Variants in NHSL1 observed in about 807,000 individuals in gnomAD.
NHSL1 encodes the protein NHS like 1.
In NHSL1, 48 loss-of-function variants were observed where a neutral mutation model predicts 95.0. The ratio of observed to expected loss-of-function variants is 0.51; its 90% confidence interval spans 0.40 to 0.64. The LOEUF (loss-of-function observed/expected upper bound fraction) is 0.64, where lower values mean the gene tolerates loss of function less well. Ranked by LOEUF, NHSL1 falls within the 30% of genes least tolerant of loss-of-function variation. NHSL1 has a pLI of 0.00. For missense variants in NHSL1, 1,971 were observed against 2,077.7 expected, an observed-to-expected ratio of 0.95 and a Z score of 1.00; for synonymous variants, 783 against 833.9, an observed-to-expected ratio of 0.94 and a Z score of 1.05.
chr6:138,562,854 C>T (rs115776485), intron 1 of NHSL1, among the ~76,000 whole-genome samples: 27 of 152,236 alleles, frequency 1.8e-4, no homozygotes, highest in African/African-American at 6.5e-4. Flanking sequence ...CCTTCCAATA[C>T]GGCTTCGACC....
intron 1 of NHSL1, among the ~76,000 whole-genome samples, chr6:138,508,383 A>T (rs1781065993): frequency 6.6e-6 from 1 of 152,214 alleles, no homozygotes; most frequent in South Asian, 2.1e-4. Context: ...TGATGTTGGA[A>T]TTATTGGTGA....
upstream of NHSL1, among the ~76,000 whole-genome samples, chr6:138,692,789 G>C (rs998105200): frequency 6.6e-6 from 1 of 150,748 alleles, no homozygotes; most frequent in Non-Finnish European, 1.5e-5. This position sits in a 1 kb window ranked among gnomAD's most constrained non-coding sequence, Gnocchi z 4.0. Context: ...GGCGGCGCGG[G>C]ATCCCTCAGT....
At chr6:138,503,442 A>T (rs993296580), upstream of NHSL1, among the ~76,000 whole-genome samples, 8 of 152,304 alleles carry the variant, frequency 5.3e-5, no homozygotes, top group East Asian at 7.7e-4. Flanking sequence ...GATTTTTTTT[A>T]AAGTAAAAGA....
intron 5 of NHSL1, among the ~76,000 whole-genome samples, chr6:138,441,150 G>C (rs900468244): frequency 6.6e-6 from 1 of 152,188 alleles, no homozygotes; most frequent in Non-Finnish European, 1.5e-5. Flanking sequence ...TAGACTCAGA[G>C]AGACGAAGTT....
chr6:138,547,533 G>A (rs185440773), upstream of NHSL1, among the ~76,000 whole-genome samples: 378 of 151,938 alleles, frequency 2.5e-3, no homozygotes, highest in Non-Finnish European at 2.5e-3. Context: ...GGCGCCCGCC[G>A]CCAGGCCCGG....
At chr6:138,642,378 A>T (rs1322041037) in intron 1 of NHSL1, among the ~76,000 whole-genome samples, 1 of 152,216 alleles carries the variant, frequency 6.6e-6, no homozygotes, top group African/African-American at 2.4e-5. Context: ...GAGAACATAG[A>T]ACTTGAATAC....
intron 1 of NHSL1, among the ~76,000 whole-genome samples, chr6:138,605,250 G>C (rs552461858): frequency 6.6e-6 from 1 of 152,016 alleles, no homozygotes; most frequent in East Asian, 1.9e-4. Flanking sequence ...TTTTGAGACA[G>C]GGTTTTGCTC....
At chr6:138,550,655 C>T (rs9399247), upstream of NHSL1, among the ~76,000 whole-genome samples, 42,185 of 152,112 alleles carry the variant, frequency 0.28, 6,313 homozygotes, top group Middle Eastern at 0.49. Context: ...TTCAAAACCA[C>T]TCCAGTGTGA....
intron 1 of NHSL1, among the ~76,000 whole-genome samples, chr6:138,622,442 T>C (rs1784678229): frequency 6.6e-6 from 1 of 152,024 alleles, no homozygotes. Context: ...GCCAAGATCG[T>C]ACCACTGCAC....
At chr6:138,468,508 T>C (rs957733405) in intron 3 of NHSL1, among the ~76,000 whole-genome samples, 2 of 152,180 alleles carry the variant, frequency 1.3e-5, no homozygotes, top group Non-Finnish European at 2.9e-5. Flanking sequence ...CATTAGATTC[T>C]CATAGGAGCG....
In NHSL1 at chr6:138,678,856, A is replaced by G. The variant is rs140311615; in HGVS notation, c.96+13620T>C. Among the ~76,000 whole-genome samples the G allele has an allele frequency of 4.1e-3, 621 of 152,338 alleles. 2 individuals carry two copies. The highest frequency in any genetic ancestry group is 0.014 in the African/African-American group (591 of 41,570). On this transcript the variant is annotated intron_variant, in intron 1 of 3. Transcript: ENST00000491526. ...CTGTAAGTGTTACTATAAATTATTA[A>G]TGATATTAATCAAAACTTGCAAATT...
chr6:138,513,302 G>A (rs1340989168), intron 1 of NHSL1, among the ~76,000 whole-genome samples: 2 of 151,786 alleles, frequency 1.3e-5, no homozygotes, highest in African/African-American at 2.4e-5. Flanking sequence ...CTTAAGAAAC[G>A]CCTTGCAAAT....
At chr6:138,464,182 C>G in intron 3 of NHSL1, 1 of 694,416 alleles carries the variant, frequency 1.4e-6, no homozygotes, top group Non-Finnish European at 2.4e-6. Context: ...TATACCTGGG[C>G]ACCAGGGGCA....
At chr6:138,464,715 C>CTTTTTTTTTTTTTTT (rs1157342436) in intron 3 of NHSL1, among the ~76,000 whole-genome samples, 2 of 119,024 alleles carry the variant, frequency 1.7e-5, no homozygotes, top group African/African-American at 6.9e-5. Context: ...TTTTTCTTTT[C>CTTTTTTTTTTTTTTT]TTTTTTTTTT....
chr6:138,611,049 G>A (rs1467670041), intron 1 of NHSL1, among the ~76,000 whole-genome samples: 3 of 151,826 alleles, frequency 2.0e-5, no homozygotes, highest in Admixed American at 1.3e-4. Flanking sequence ...CTGCATTCCA[G>A]TGAGTGACAG....
chr6:138,578,796 ACTC>A (rs2114479907), intron 1 of NHSL1, among the ~76,000 whole-genome samples: 1 of 152,056 alleles, frequency 6.6e-6, no homozygotes, highest in African/African-American at 2.4e-5. Flanking sequence ...GCAATTCTGA[ACTC>A]CTAGAAGCGC....
At chr6:138,473,220 A>G in intron 3 of NHSL1, 86 bp downstream of exon 3, 2 of 1,178,918 alleles carry the variant, frequency 1.7e-6, no homozygotes, top group South Asian at 2.9e-5. Flanking sequence ...TACAGGCTCA[A>G]TTTTGATTTT....
At chr6:138,439,687 C>T (rs951589356) in intron 5 of NHSL1, among the ~76,000 whole-genome samples, 2 of 152,146 alleles carry the variant, frequency 1.3e-5, no homozygotes, top group African/African-American at 2.4e-5. Flanking sequence ...CTCTTAGATA[C>T]GGTTGTCTCA....
chr6:138,473,232 C>A lies in NHSL1; in HGVS notation c.339+74G>T, dbSNP rs1000892328. On this transcript the variant is annotated intron_variant, in intron 3 of 7. Transcript: ENST00000343505. Reference sequence around the variant, plus strand: ...AAATACAGGCTCAATTTTGATTTTACCAGTTTGTCCACATATATCCTTTCT... The same window carrying A: ...AAATACAGGCTCAATTTTGATTTTAACAGTTTGTCCACATATATCCTTTCT... 10 of 1,231,112 alleles carry A rather than the reference C, an allele frequency of 8.1e-6. No homozygotes were observed. In the Admixed American group the frequency reaches 3.8e-4, roughly 47 times the overall value. 76.3% of individuals were successfully genotyped at this position (1,231,112 alleles called of 1,614,324 possible). A position where few individuals can be genotyped will look rare whatever the true frequency, so the allele number is the denominator to read the frequency against.
Sources: allele counts gnomAD v4.1 joint callset (sites outside exome capture counted in the v4.1 genomes callset), GRCh38; gene constraint gnomAD v4.1.1; non-coding constraint Gnocchi (gnomAD v3.1); transcripts MANE v1.5; gene names NCBI Gene and HGNC (gene_info 2026-07-23, HGNC 2026-07-21).